RPS6KA3: variants seen among roughly 807,000 people sequenced by gnomAD.
RPS6KA3 encodes the protein ribosomal protein S6 kinase A3.
A neutral mutation model predicts 67.2 loss-of-function variants in RPS6KA3; 4 were observed. The observed-to-expected ratio is 0.06, with a 90% CI of 0.03 to 0.14. RPS6KA3 has a LOEUF of 0.14. Ranked by LOEUF, RPS6KA3 falls within the 10% of genes least tolerant of loss-of-function variation. RPS6KA3 has a pLI of 1.00. For missense variants in RPS6KA3, 204 were observed against 559.0 expected (o/e 0.36, Z 6.40); for synonymous variants, 182 against 183.7 (o/e 0.99, Z 0.07).
At chrX:20,162,534 T>C (rs1409358221) in intron 19 of RPS6KA3, among the ~76,000 whole-genome samples, 1 of 105,687 alleles carries the variant, frequency 9.5e-6, no homozygotes, top group African/African-American at 3.4e-5. Flanking sequence ...TGACAACATC[T>C]GAATTAAAAA....
chrX:20,194,558 C>T (rs1290183702), intron 5 of RPS6KA3, among the ~76,000 whole-genome samples: 2 of 110,804 alleles, frequency 1.8e-5, no homozygotes, highest in Non-Finnish European at 3.8e-5. Context: ...TACTTAACTA[C>T]GAAATAACAT....
At chrX:20,180,829 G>T (rs892144961) in intron 10 of RPS6KA3, among the ~76,000 whole-genome samples, 1 of 112,287 alleles carries the variant, frequency 8.9e-6, no homozygotes, top group Admixed American at 9.5e-5. Flanking sequence ...GATATTGAGA[G>T]GGGGTCTCAT....
rs750406334 is a variant in RPS6KA3 at position 20,197,356 on chromosome X, C to A, written c.326-2211G>T. 8.0e-5 allele frequency among the ~76,000 whole-genome samples: 9 copies of A among 112,446 alleles called. No homozygotes were observed. The South Asian group carries it at 3.3e-3, about 41-fold the overall frequency. ...AATACCTCGTCTGCTCAGTAAGCAT[C>A]AAAAATATCCACTAATAAATGCACT... On this transcript the variant is annotated intron_variant, in intron 4 of 21. Transcript: ENST00000379565.
chrX:20,204,444 C>A (rs1465418579), intron 3 of RPS6KA3, among the ~76,000 whole-genome samples: 1 of 112,110 alleles, frequency 8.9e-6, no homozygotes, highest in East Asian at 2.8e-4. Flanking sequence ...GGTATGATGT[C>A]CTGCTTTTAA....
intron 7 of RPS6KA3, among the ~76,000 whole-genome samples, chrX:20,193,104 C>A (rs2068183550): frequency 9.0e-6 from 1 of 110,612 alleles, no homozygotes; most frequent in South Asian, 3.8e-4. Context: ...ATGGTGAAAC[C>A]CTGTTTCTAC....
chrX:20,262,099 T>C (rs1019738490), intron 1 of RPS6KA3, among the ~76,000 whole-genome samples: 3 of 111,655 alleles, frequency 2.7e-5, no homozygotes, highest in African/African-American at 9.8e-5. Flanking sequence ...GTGTCATTCA[T>C]TATAATCTGA....
chrX:20,266,941 C>T (rs890485010), upstream of RPS6KA3: 6 of 709,259 alleles, frequency 8.5e-6, no homozygotes, highest in African/African-American at 1.4e-4. Context: ...GGGACTACGG[C>T]TCCGCCCCCC....
At chrX:20,243,450 G>A (rs1393105719) in intron 1 of RPS6KA3, among the ~76,000 whole-genome samples, 3 of 111,777 alleles carry the variant, frequency 2.7e-5, no homozygotes, top group African/African-American at 6.5e-5. Flanking sequence ...AAGTAGAGCC[G>A]AAATTCAAAC....
chrX:20,176,984 T>C lies in RPS6KA3; in HGVS notation c.934+12A>G. On this transcript the variant is annotated intron_variant, in intron 11 of 21. Transcript: ENST00000379565. ...AAACATACAACATAAACAAATTAGT[T>C]AAAATTTTTACCTAATCTGTTTGCA... 5 of 1,149,160 alleles carry C rather than the reference T, an allele frequency of 4.4e-6. No homozygotes were observed. The highest frequency in any genetic ancestry group is 4.8e-6 in the Non-Finnish European group (4 of 838,580). The allele number at this position is 1,149,160 out of a possible 1,213,427, so 94.7% of individuals were successfully genotyped here. A position where few individuals can be genotyped will look rare whatever the true frequency, so the allele number is the denominator to read the frequency against.
intron 1 of RPS6KA3, among the ~76,000 whole-genome samples, chrX:20,252,512 G>T (rs1342598581): frequency 1.8e-5 from 2 of 109,985 alleles, no homozygotes; most frequent in Non-Finnish European, 3.8e-5. Context: ...GGCAAAAGTG[G>T]AGCAATGACT....
intron 1 of RPS6KA3, among the ~76,000 whole-genome samples, chrX:20,235,149 A>G: frequency 8.9e-6 from 1 of 111,763 alleles, no homozygotes; most frequent in Non-Finnish European, 1.9e-5. Flanking sequence ...GTGTATGGCA[A>G]AACACACTCT....
At chrX:20,156,597 A>C (rs961070761) in intron 20 of RPS6KA3, among the ~76,000 whole-genome samples, 3 of 110,884 alleles carry the variant, frequency 2.7e-5, no homozygotes, top group Admixed American at 9.6e-5. Context: ...GTGCAGTGGC[A>C]TGATCTTGGC....
chrX:20,176,561 T>C (rs1385928828), intron 11 of RPS6KA3, 63 bp from the exon 12 acceptor site: 1 of 677,635 alleles, frequency 1.5e-6, no homozygotes, highest in East Asian at 3.4e-5. Context: ...TGCTCAGCCT[T>C]TGTTTTCAAT....
intron 1 of RPS6KA3, among the ~76,000 whole-genome samples, chrX:20,246,661 C>T (rs1435116652): frequency 8.9e-6 from 1 of 111,980 alleles, no homozygotes. Context: ...ATTTAAACCT[C>T]TGTTTCCCCA....
At chrX:20,231,937 G>A (rs1045389798) in intron 2 of RPS6KA3, among the ~76,000 whole-genome samples, 2 of 111,586 alleles carry the variant, frequency 1.8e-5, no homozygotes, top group African/African-American at 6.5e-5. Flanking sequence ...CCAGTTTGTG[G>A]TAATTTGTTA....
intron 1 of RPS6KA3, chrX:20,265,883 C>T (rs997841033): frequency 9.0e-6 from 1 of 110,611 alleles, no homozygotes; most frequent in Non-Finnish European, 1.9e-5. Flanking sequence ...TGAATATCAC[C>T]CTCTCACCTC....
chrX:20,225,241 T>C (rs1305201724), intron 2 of RPS6KA3, among the ~76,000 whole-genome samples: 1 of 92,398 alleles, frequency 1.1e-5, no homozygotes, highest in Non-Finnish European at 2.1e-5. Flanking sequence ...TTTTTTTTTT[T>C]TGTTTTTTTT....
In RPS6KA3 at chrX:20,217,924, C is replaced by A. The variant is rs764736528; in HGVS notation, c.127-8520G>T. 4.5e-5 allele frequency among the ~76,000 whole-genome samples: 5 copies of A among 112,241 alleles called. No homozygotes were observed. The East Asian group carries it at 1.4e-3, about 31-fold the overall frequency. The stretch of plus-strand genomic sequence containing the variant: ...CAATCTGACTGAATTCAATTTACTT[C>A]ATTTGCTGATGGAATGATAAATAAG... On this transcript the variant is annotated intron_variant, in intron 2 of 21. Transcript: ENST00000379565.
intron 10 of RPS6KA3, among the ~76,000 whole-genome samples, chrX:20,179,287 G>A (rs2067784509): frequency 9.0e-6 from 1 of 111,568 alleles, no homozygotes; most frequent in Admixed American, 9.6e-5. Flanking sequence ...TGTTTTGGGA[G>A]GGCCAGGCAG....
Sources: allele counts gnomAD v4.1 joint callset (sites outside exome capture counted in the v4.1 genomes callset), GRCh38; gene constraint gnomAD v4.1.1; transcripts MANE v1.5; gene names NCBI Gene and HGNC (gene_info 2026-07-23, HGNC 2026-07-21).